Variants in CEP112 observed in about 807,000 individuals in gnomAD.
The protein encoded by CEP112 is centrosomal protein of 112 kDa.
A neutral mutation model predicts 153.0 loss-of-function variants in CEP112; 127 were observed. The observed-to-expected ratio is 0.83, with a 90% CI of 0.72 to 0.96. CEP112 has a LOEUF of 0.96. CEP112 is among the 40% of genes least tolerant of loss of function. The probability of loss-of-function intolerance (pLI) is 0.00; values close to 1 mark genes in which losing one functional copy is unlikely to be tolerated. For missense variants in CEP112, 1,089 were observed against 1,101.2 expected, an observed-to-expected ratio of 0.99 and a Z score of 0.16; for synonymous variants, 358 against 374.4, an observed-to-expected ratio of 0.96 and a Z score of 0.51.
intron 23 of CEP112, among the ~76,000 whole-genome samples, chr17:65,717,375 G>C (rs2049591254): frequency 6.6e-6 from 1 of 152,174 alleles, no homozygotes; most frequent in South Asian, 2.1e-4. Flanking sequence ...TCCCAGAAGA[G>C]AGAAGATTCC....
At chr17:65,701,904 T>G (rs982598823) in intron 23 of CEP112, among the ~76,000 whole-genome samples, 23 of 148,356 alleles carry the variant, frequency 1.6e-4, no homozygotes, top group South Asian at 4.3e-4. Context: ...TTTTGTTTTT[T>G]TTTTTTTTTT....
intron 18 of CEP112, among the ~76,000 whole-genome samples, chr17:65,935,872 TA>T (rs769681627): frequency 4.6e-5 from 7 of 150,892 alleles, no homozygotes; most frequent in Non-Finnish European, 1.0e-4. Context: ...GAACTAAGCC[TA>T]AAGTTAGGAG....
At chr17:65,920,851 C>T (rs1486937705) in intron 19 of CEP112, among the ~76,000 whole-genome samples, 3 of 152,046 alleles carry the variant, frequency 2.0e-5, no homozygotes, top group Non-Finnish European at 4.4e-5. Context: ...TTTCTGTCTT[C>T]CTTCTACTTT....
intron 6 of CEP112, among the ~76,000 whole-genome samples, chr17:66,121,947 T>A (rs932043390): frequency 3.3e-5 from 5 of 152,144 alleles, no homozygotes; most frequent in African/African-American, 1.2e-4. Flanking sequence ...CAGGCTGGAG[T>A]GCAATGGTGC....
chr17:66,096,213 T>C (rs767918721), intron 8 of CEP112, 38 bp downstream of exon 8: 2 of 1,384,760 alleles, frequency 1.4e-6, no homozygotes, highest in African/African-American at 2.9e-5. Flanking sequence ...ATTAAAACTG[T>C]ATTATCAATG....
At chr17:65,960,208 T>C (rs1019420006) in intron 18 of CEP112, among the ~76,000 whole-genome samples, 1 of 152,196 alleles carries the variant, frequency 6.6e-6, no homozygotes, top group African/African-American at 2.4e-5. Flanking sequence ...TGATAAAATA[T>C]ACTATATTCA....
chr17:66,069,875 T>C (rs1219288741), intron 9 of CEP112, 40 bp downstream of exon 9: 1 of 1,105,882 alleles, frequency 9.0e-7, no homozygotes, highest in Non-Finnish European at 1.3e-6. Context: ...AGAATATTTT[T>C]AGTGTTCAAT....
chr17:65,907,391 G>C (rs971512638), intron 19 of CEP112, among the ~76,000 whole-genome samples: 1 of 152,242 alleles, frequency 6.6e-6, no homozygotes, highest in Admixed American at 6.5e-5. Context: ...TTGATATTTT[G>C]CCAGGGCCTA....
At chr17:65,746,938 T>C (rs763786941) in intron 22 of CEP112, among the ~76,000 whole-genome samples, 15 of 152,272 alleles carry the variant, frequency 9.9e-5, no homozygotes, top group South Asian at 4.2e-4. Flanking sequence ...TAAAAATTAG[T>C]ATTTTCAGAA....
chr17:66,079,238 G>A (rs111719642), intron 8 of CEP112, among the ~76,000 whole-genome samples: 16 of 152,208 alleles, frequency 1.1e-4, no homozygotes, highest in African/African-American at 2.6e-4. Flanking sequence ...TCAGTAGTTC[G>A]AGACCAGCCT....
At chr17:65,916,294 T>C (rs1432574907) in intron 19 of CEP112, among the ~76,000 whole-genome samples, 1 of 148,908 alleles carries the variant, frequency 6.7e-6, no homozygotes, top group Non-Finnish European at 1.5e-5. Flanking sequence ...TGTGTGTGTA[T>C]GTGTGGTAGG....
At chr17:65,643,426 T>A (rs2045256103) in intron 24 of CEP112, among the ~76,000 whole-genome samples, 1 of 151,680 alleles carries the variant, frequency 6.6e-6, no homozygotes, top group African/African-American at 2.4e-5. Flanking sequence ...GCCTCCTGAG[T>A]AGCTGGGATT....
intron 20 of CEP112, among the ~76,000 whole-genome samples, chr17:65,873,877 A>G (rs2058740957): frequency 1.3e-5 from 2 of 152,188 alleles, no homozygotes; most frequent in South Asian, 2.1e-4. Flanking sequence ...ATATGGGTAT[A>G]TAGCATATAC....
At chr17:65,969,431 C>A (rs983167621) in intron 17 of CEP112, among the ~76,000 whole-genome samples, 1 of 152,140 alleles carries the variant, frequency 6.6e-6, no homozygotes, top group African/African-American at 2.4e-5. Flanking sequence ...ATTACATGTA[C>A]ATTACATGCA....
At chr17:66,022,467 G>A (rs1472312026) in intron 16 of CEP112, among the ~76,000 whole-genome samples, 2 of 152,050 alleles carry the variant, frequency 1.3e-5, no homozygotes, top group Admixed American at 1.3e-4. Flanking sequence ...CCAGCACTTT[G>A]GGAGGCTGAG....
chr17:65,837,973 C>T (rs530598441), intron 21 of CEP112, among the ~76,000 whole-genome samples: 525 of 152,224 alleles, frequency 3.4e-3, no homozygotes, highest in Non-Finnish European at 6.1e-3. Flanking sequence ...GGCCCTCTGC[C>T]TAGGAAAACC....
At chr17:66,077,402 G>A (rs1343718517) in intron 8 of CEP112, among the ~76,000 whole-genome samples, 1 of 152,166 alleles carries the variant, frequency 6.6e-6, no homozygotes, top group Non-Finnish European at 1.5e-5. Flanking sequence ...TTAGAGAAAT[G>A]CAAAATGCTC....
intron 20 of CEP112, among the ~76,000 whole-genome samples, chr17:65,885,972 T>C (rs2059261686): frequency 6.6e-6 from 1 of 152,184 alleles, no homozygotes; most frequent in Non-Finnish European, 1.5e-5. Context: ...CGTGAACCTA[T>C]ATATATGAAT....
chr17:65,685,651 T>C (rs957346046), intron 24 of CEP112, among the ~76,000 whole-genome samples: 1 of 151,312 alleles, frequency 6.6e-6, no homozygotes, highest in African/African-American at 2.4e-5. Context: ...AAAAAGTGTC[T>C]GTGACAATAG....
Sources: allele counts gnomAD v4.1 joint callset (sites outside exome capture counted in the v4.1 genomes callset), GRCh38; gene constraint gnomAD v4.1.1; transcripts MANE v1.5; gene names NCBI Gene and HGNC (gene_info 2026-07-23, HGNC 2026-07-21).